Variants in RASAL1 observed in about 807,000 individuals in gnomAD.
RASAL1 encodes the protein rasGAP-activating-like protein 1.
RASAL1 carries 72 observed loss-of-function variants against 96.6 expected under a neutral mutation model. The observed-to-expected ratio is 0.75, with a 90% CI of 0.62 to 0.91. RASAL1 has a LOEUF of 0.91. RASAL1 is among the 40% of genes least tolerant of loss of function. RASAL1 has a pLI of 0.00. For synonymous variants in RASAL1, 405 were observed against 430.4 expected (o/e 0.94, Z 0.73); for missense variants, 1,016 against 1,072.5 (o/e 0.95, Z 0.74).
intron 16 of RASAL1, among the ~76,000 whole-genome samples, chr12:113,105,472 G>A (rs16942569): frequency 0.014 from 2,168 of 152,370 alleles, 42 homozygotes; most frequent in African/African-American, 0.049. Context: ...TCTGGGAGGC[G>A]TATCCCCGCC....
chr12:113,103,281 A>G (rs1342606739), intron 18 of RASAL1, among the ~76,000 whole-genome samples: 1 of 150,800 alleles, frequency 6.6e-6, no homozygotes, highest in Non-Finnish European at 1.5e-5. Flanking sequence ...TATACATTGT[A>G]TATACATTGT....
At chr12:113,121,307 T>A (rs959523828) in intron 5 of RASAL1, among the ~76,000 whole-genome samples, 8 of 152,186 alleles carry the variant, frequency 5.3e-5, no homozygotes, top group African/African-American at 1.9e-4. Flanking sequence ...TTGCTGCTAG[T>A]CCCTGGGGAC....
intron 1 of RASAL1, among the ~76,000 whole-genome samples, chr12:113,132,762 C>T (rs141493209): frequency 6.6e-6 from 1 of 152,326 alleles, no homozygotes; most frequent in African/African-American, 2.4e-5. Context: ...TGGCTGGACA[C>T]TCCAATGCCT....
At chr12:113,107,422 T>TTCAA in intron 14 of RASAL1, 181 bp from the exon 15 acceptor site, 1 of 741,370 alleles carries the variant, frequency 1.3e-6, no homozygotes, top group Non-Finnish European at 2.2e-6. Context: ...CAGGAGCTTG[T>TTCAA]GACGAGCCTG....
chr12:113,117,229 C>T, intron 7 of RASAL1, 68 bp from the exon 8 acceptor site: 1 of 1,212,454 alleles, frequency 8.2e-7, no homozygotes, highest in Non-Finnish European at 1.1e-6. Flanking sequence ...GCTCAGGTCT[C>T]ACCTAGCCCT....
chr12:113,135,471 G>A lies in RASAL1; in HGVS notation c.-9C>T, dbSNP rs1455958592. 1.5e-5 allele frequency: 24 copies of A among 1,602,814 alleles called. No individual in the cohort carries two copies. The highest frequency in any genetic ancestry group is 2.0e-5 in the Non-Finnish European group (23 of 1,175,472). On this transcript the variant is annotated 5_prime_UTR_variant, in exon 1 of 21. Transcript: ENST00000548055. This position sits in a 1 kb window ranked among gnomAD's most constrained non-coding sequence, Gnocchi z 5.7. Reference sequence around the variant, plus strand: ...GAGCTGCTCTTGGCCATGGCGCCTAGCCACAAACTTTCCAGGCAGAAGGGC... The same window carrying A: ...GAGCTGCTCTTGGCCATGGCGCCTAACCACAAACTTTCCAGGCAGAAGGGC...
In RASAL1 at chr12:113,108,197, C is replaced by T; in HGVS notation, c.1400G>A (p.Gly467Glu). 2 of 1,612,762 alleles carry T rather than the reference C, an allele frequency of 1.2e-6. No individual in the cohort carries two copies. Among genetic ancestry groups the T allele is most frequent in the Non-Finnish European group, 1.7e-6 (2 of 1,179,506 alleles). ...HQDVKYLAIS[G>E]FLFLRFFAPA... ...TGCGAAGAATCGCAAGAAGAGAAAT[C>T]CACTGATGGCCAGGTACTTCACATC... Residue 467 changes from glycine (G) to glutamate (E), a missense_variant, in exon 14 of 21, where the codon GGA becomes GAA. Coordinates refer to ENST00000548055, the MANE Select transcript of RASAL1 (RefSeq NM_001301202.2).
At position 113,112,123 on chromosome 12, in the gene RASAL1, C is replaced by T. The variant is rs777154983; in HGVS notation, c.1337G>A (p.Arg446Gln). 6.4e-6 allele frequency: 8 copies of T among 1,248,026 alleles called. No individual in the cohort carries two copies. Among genetic ancestry groups the T allele is most frequent in the Non-Finnish European group, 6.1e-6 (6 of 990,616 alleles). The allele number at this position is 1,248,026 out of a possible 1,614,324, so 77.3% of individuals were successfully genotyped here. A position where few individuals can be genotyped will look rare whatever the true frequency, so the allele number is the denominator to read the frequency against. The change falls in exon 13 of 21, where the codon CGG becomes CAG. Residue 446 changes from arginine to glutamine, a missense_variant. By Grantham distance (43) the Arg-to-Gln change is conservative. Coordinates refer to ENST00000548055, the MANE Select transcript of RASAL1 (RefSeq NM_001301202.2). ...AMRLAFKQLH[R>Q]RVEERFPQAE... ...CTGGGGGAAGCGCTCCTCCACTCGC[C>T]GGTGCAGCTGCTTGAAGGCGAGGCG... is the stretch of plus-strand genomic sequence containing the variant.
At chr12:113,114,720 G>T in intron 12 of RASAL1, 80 bp downstream of exon 12, 1 of 1,245,730 alleles carries the variant, frequency 8.0e-7, no homozygotes. Context: ...GTGGCAGTCA[G>T]CATGAACCCA....
intron 1 of RASAL1, among the ~76,000 whole-genome samples, chr12:113,133,681 G>A (rs904005053): frequency 1.3e-5 from 2 of 152,178 alleles, no homozygotes; most frequent in African/African-American, 2.4e-5. Flanking sequence ...ATGGCATGGA[G>A]CTCCCAGCAG....
Position 113,104,278 on chromosome 12 carries a change from C to G in RASAL1, c.1851G>C (p.Val617=). The change falls in exon 17 of 21, where the codon GTG becomes GTC. Residue 617 remains valine, a synonymous_variant. Coordinates refer to ENST00000548055, the MANE Select transcript of RASAL1 (RefSeq NM_001301202.2). ...CGCGCTCCACGGCGCGGATGTGAGACACGGGGATGGAGTGACACATCTGGG... is the reference window on the plus strand; with the variant it reads ...CGCGCTCCACGGCGCGGATGTGAGAGACGGGGATGGAGTGACACATCTGGG... The part of the protein sequence containing the change: ...PEWQMCHSIP[V]SHIRAVERVD... 3 of 1,578,336 alleles carry G rather than the reference C, an allele frequency of 1.9e-6. No homozygotes were observed. Among genetic ancestry groups the G allele is most frequent in the Non-Finnish European group, 2.6e-6 (3 of 1,162,122 alleles).
intron 1 of RASAL1, among the ~76,000 whole-genome samples, chr12:113,131,968 C>CTTTTTT (rs34936583): frequency 4.3e-4 from 51 of 118,708 alleles, no homozygotes; most frequent in Non-Finnish European, 4.9e-4. Flanking sequence ...TCTTCTTCTT[C>CTTTTTT]TTTTTTTTTT....
At chr12:113,123,513 G>A (rs17643821) in intron 4 of RASAL1, among the ~76,000 whole-genome samples, 15,743 of 151,108 alleles carry the variant, frequency 0.1, 1,077 homozygotes, top group Middle Eastern at 0.2. Flanking sequence ...TGATACTGAC[G>A]TCTGCTTTCA....
At chr12:113,100,775 C>A (rs1950416474) in intron 19 of RASAL1, 95 bp from the exon 20 acceptor site, 1 of 893,114 alleles carries the variant, frequency 1.1e-6, no homozygotes, top group Admixed American at 2.0e-5. Context: ...TTTCCTGAAC[C>A]ATCACCATCA....
rs746481005 is a variant in RASAL1 at position 113,114,918 on chromosome 12, G to A, written c.1069-6C>T. The A allele has an allele frequency of 1.2e-6, 2 of 1,609,738 alleles. No individual in the cohort carries two copies. Among genetic ancestry groups the A allele is most frequent in the Non-Finnish European group, 1.7e-6 (2 of 1,176,578 alleles). On this transcript the variant is annotated splice_polypyrimidine_tract_variant and splice_region_variant and intron_variant, in intron 11 of 20. Coordinates refer to ENST00000548055, the MANE Select transcript of RASAL1 (RefSeq NM_001301202.2). The stretch of plus-strand genomic sequence containing the variant: ...AGGTAGGGCATGCCCACGAGCTGGG[G>A]GCAGGGGGCACCACACGGGGTGGGG...
In RASAL1 at chr12:113,135,675, G is replaced by A. The variant is rs1338447294; in HGVS notation, c.-213C>T. ...AGCGCCCGTCCGGACTCTACAGGTA[G>A]GAGCCGTGCTCCGAGCAGGAGGAGC... On this transcript the variant is annotated 5_prime_UTR_variant, in exon 1 of 21. Coordinates refer to ENST00000548055, the MANE Select transcript of RASAL1 (RefSeq NM_001301202.2). This position sits in a 1 kb window ranked among gnomAD's most constrained non-coding sequence, Gnocchi z 5.7. 5.6e-6 allele frequency: 3 copies of A among 539,232 alleles called. No individual in the cohort carries two copies. Among genetic ancestry groups the A allele is most frequent in the African/African-American group, 1.9e-5 (1 of 52,112 alleles). 33.4% of individuals were successfully genotyped at this position (539,232 alleles called of 1,614,324 possible). A position where few individuals can be genotyped will look rare whatever the true frequency, so the allele number is the denominator to read the frequency against.
rs952796389 is a variant in RASAL1, at chr12:113,134,785, A to C, written c.65+613T>G. On this transcript the variant is annotated intron_variant, in intron 1 of 20. Transcript: ENST00000548055. ...TGCACCTGGCTGGGGAGGGGGTCGC[A>C]GCAAGGAATTGGCTCTTCAAGCAGC... Among the ~76,000 whole-genome samples the C allele has an allele frequency of 7.2e-5, 11 of 152,266 alleles. No homozygotes were observed. In the East Asian group the frequency reaches 1.6e-3, roughly 21 times the overall value.
chr12:113,109,030 T>TG (rs1340490994), intron 13 of RASAL1, among the ~76,000 whole-genome samples: 2 of 15,022 alleles, frequency 1.3e-4, no homozygotes, highest in Non-Finnish European at 3.0e-4. Context: ...TGTTTTTAGG[T>TG]TTTTTTGTGT....
rs1172586138 is a variant in RASAL1, at chr12:113,130,469, A to AC, written c.122+415dup. Reference sequence around the variant, plus strand: ...TCACACTAGCCCCGCAACATCCCCCACCCCCTGCAACTCACAAGCAGGCCC... The same window carrying AC: ...TCACACTAGCCCCGCAACATCCCCCACCCCCCTGCAACTCACAAGCAGGCCC... On this transcript the variant is annotated intron_variant, in intron 2 of 20. Coordinates refer to ENST00000548055, the MANE Select transcript of RASAL1 (RefSeq NM_001301202.2). This position sits in a 1 kb window ranked among gnomAD's most constrained non-coding sequence, Gnocchi z 5.1. Among the ~76,000 whole-genome samples the AC allele has an allele frequency of 1.3e-5, 2 of 150,704 alleles. No individual in the cohort carries two copies. Among genetic ancestry groups the AC allele is most frequent in the African/African-American group, 2.4e-5 (1 of 40,880 alleles).
Sources: allele counts gnomAD v4.1 joint callset (sites outside exome capture counted in the v4.1 genomes callset), GRCh38; gene constraint gnomAD v4.1.1; non-coding constraint Gnocchi (gnomAD v3.1); transcripts MANE v1.5; gene names NCBI Gene and HGNC (gene_info 2026-07-23, HGNC 2026-07-21).